The following PACRGL variants were observed in gnomAD, a reference collection of about 807,000 sequenced individuals.
PACRGL encodes parkin coregulated like.
PACRGL carries 38 observed loss-of-function variants against 34.5 expected under a neutral mutation model. The ratio of observed to expected loss-of-function variants is 1.10; its 90% CI spans 0.85 to 1.44. The LOEUF (loss-of-function observed/expected upper bound fraction) is 1.44, where lower values mean the gene tolerates loss of function less well. Ranked by LOEUF, PACRGL falls within the 40% of genes most tolerant of loss-of-function variation. The probability of loss-of-function intolerance (pLI) is 0.00; values close to 1 mark genes in which losing one functional copy is unlikely to be tolerated. For missense variants in PACRGL, 305 were observed against 281.4 expected (o/e 1.08, Z -0.60); for synonymous variants, 128 against 100.1 (o/e 1.28, Z -1.66).
chr4:20,704,403 TA>T, intron 1 of PACRGL, 62 bp from the exon 2 acceptor site: 2 of 1,490,176 alleles, frequency 1.3e-6, no homozygotes, highest in Non-Finnish European at 1.8e-6. Context: ...TTTGTCTTTT[TA>T]TTGATAACAA....
chr4:20,735,757 G>A (rs572336907), downstream of PACRGL, among the ~76,000 whole-genome samples: 126 of 152,090 alleles, frequency 8.3e-4, no homozygotes, highest in Non-Finnish European at 1.5e-3. Flanking sequence ...GGTTGGTGTC[G>A]AACTCCTGAC....
intron 1 of PACRGL, chr4:20,701,753 C>A (rs2874831): frequency 1.6e-5 from 7 of 427,668 alleles, no homozygotes; most frequent in African/African-American, 1.4e-4. Flanking sequence ...CCTCCCTCCC[C>A]CCAGTCTCTT....
intron 1 of PACRGL, chr4:20,701,670 G>A: frequency 3.0e-6 from 1 of 333,632 alleles, no homozygotes. Context: ...GCTTCCAGGT[G>A]GATATTATTT....
At chr4:20,735,731 T>C (rs1159986243), downstream of PACRGL, among the ~76,000 whole-genome samples, 2 of 152,130 alleles carry the variant, frequency 1.3e-5, no homozygotes, top group Non-Finnish European at 2.9e-5. Context: ...GAGATGGGGT[T>C]TCACCATGTT....
intron 8 of PACRGL, among the ~76,000 whole-genome samples, chr4:20,746,254 C>A (rs181445011): frequency 6.6e-6 from 1 of 152,216 alleles, no homozygotes; most frequent in African/African-American, 2.4e-5. Context: ...CCGTCATTCT[C>A]AGCAAACTAT....
Position 20,732,109 on chromosome 4 carries a change from C to A in PACRGL, c.*4768C>A. The A allele has an allele frequency of 7.3e-7, 1 of 1,374,630 alleles. No homozygotes were observed. The highest frequency in any genetic ancestry group is 1.2e-5 in the South Asian group (1 of 85,620). 85.2% of individuals were successfully genotyped at this position (1,374,630 alleles called of 1,614,324 possible). A position where few individuals can be genotyped will look rare whatever the true frequency, so the allele number is the denominator to read the frequency against. ...ACAAAAATTGTATTTAGACTTATCC[C>A]TTAATACCCTCACACCTGGACCAAA... is the stretch of plus-strand genomic sequence containing the variant. On this transcript the variant is annotated 3_prime_UTR_variant, in exon 9 of 9. Transcript: ENST00000503585.
upstream of PACRGL, chr4:20,696,582 T>G (rs1731253588): frequency 6.6e-6 from 1 of 152,248 alleles, no homozygotes; most frequent in African/African-American, 2.4e-5. Flanking sequence ...TTGCACTGAC[T>G]CTGTAGTCTG....
intron 4 of PACRGL, among the ~76,000 whole-genome samples, chr4:20,709,477 A>G (rs766651075): frequency 1.9e-4 from 29 of 152,212 alleles, no homozygotes; most frequent in Non-Finnish European, 3.4e-4. Flanking sequence ...TAACCTTAAC[A>G]CATGTGGGTC....
intron 1 of PACRGL, among the ~76,000 whole-genome samples, chr4:20,702,498 G>C (rs938632703): frequency 6.6e-6 from 1 of 152,084 alleles, no homozygotes; most frequent in Non-Finnish European, 1.5e-5. Context: ...TATAATAATA[G>C]CTAAGACTCA....
At chr4:20,735,222 G>T (rs1749297773), downstream of PACRGL, among the ~76,000 whole-genome samples, 1 of 152,170 alleles carries the variant, frequency 6.6e-6, no homozygotes, top group Non-Finnish European at 1.5e-5. Flanking sequence ...GTAAGAGCAT[G>T]GAACTGGAAA....
chr4:20,760,348 G>A, the PACRGL span, among the ~76,000 whole-genome samples: 1 of 152,142 alleles, frequency 6.6e-6, no homozygotes, highest in Non-Finnish European at 1.5e-5. Context: ...CTCTAAATTT[G>A]ATACTGTTTC....
chr4:20,724,145 G>A (rs989595170), intron 7 of PACRGL, among the ~76,000 whole-genome samples: 1 of 152,116 alleles, frequency 6.6e-6, no homozygotes, highest in African/African-American at 2.4e-5. Context: ...AAATGTATGG[G>A]ACTTTAAAGA....
the PACRGL span, among the ~76,000 whole-genome samples, chr4:20,764,719 C>T: frequency 2.7e-5 from 4 of 148,396 alleles, no homozygotes; most frequent in Non-Finnish European, 5.9e-5. Context: ...ACCCCATGAA[C>T]AAACAGCAAT....
intron 7 of PACRGL, among the ~76,000 whole-genome samples, chr4:20,720,578 C>G (rs1323133579): frequency 1.3e-5 from 2 of 152,138 alleles, no homozygotes; most frequent in Non-Finnish European, 2.9e-5. Flanking sequence ...TTGTCCTTCG[C>G]TTATGAAGCT....
chr4:20,732,840 C>CT, downstream of PACRGL: 1 of 1,052,456 alleles, frequency 9.5e-7, no homozygotes, highest in Non-Finnish European at 1.4e-6. Flanking sequence ...AGAAACCAGT[C>CT]TAAGAAGCTC....
At chr4:20,723,329 T>C (rs75140723) in intron 7 of PACRGL, among the ~76,000 whole-genome samples, 9,192 of 152,264 alleles carry the variant, frequency 0.06, 330 homozygotes, top group Admixed American at 0.098. Flanking sequence ...CCCTCCTGTT[T>C]TGTGCCAGGT....
rs1173519252 is a variant in PACRGL at position 20,731,005 on chromosome 4, C to CAACA, written c.*3666_*3669dup. On this transcript the variant is annotated 3_prime_UTR_variant, in exon 9 of 9. Transcript: ENST00000503585. ...AAGCAGACATCCAGAAAAGTAAGAA[C>CAACA]AACAATTTAAAAATAAAGAGAAAAA... Among the ~76,000 whole-genome samples the CAACA allele has an allele frequency of 6.6e-6, 1 of 152,108 alleles. No homozygotes were observed. The highest frequency in any genetic ancestry group is 1.5e-5 in the Non-Finnish European group (1 of 68,032).
At chr4:20,702,657 G>A (rs1471846482) in intron 1 of PACRGL, 1 of 152,746 alleles carries the variant, frequency 6.5e-6, no homozygotes, top group Non-Finnish European at 1.4e-5. Flanking sequence ...ATAGAAACTT[G>A]TGTTGTTCCC....
chr4:20,721,797 G>A (rs1013278730), intron 7 of PACRGL, among the ~76,000 whole-genome samples: 1 of 152,212 alleles, frequency 6.6e-6, no homozygotes, highest in African/African-American at 2.4e-5. Flanking sequence ...GAGGCAGTCT[G>A]TCCGTTCTCA....
Sources: gnomAD v4.1 joint callset for allele counts (sites outside exome capture counted in the v4.1 genomes callset) on GRCh38, gnomAD v4.1.1 for gene constraint, MANE v1.5 for transcripts, NCBI Gene and HGNC (gene_info 2026-07-23, HGNC 2026-07-21) for gene names.